Variants in ENTREP2 observed in about 807,000 individuals in gnomAD.
ENTREP2 encodes protein ENTREP2.
the ENTREP2 span, among the ~76,000 whole-genome samples, chr15:29,161,518 A>G: frequency 6.6e-6 from 1 of 152,236 alleles, no homozygotes; most frequent in South Asian, 2.1e-4. Context: ...CTAGTTTGTT[A>G]GCTTGAAAGT....
At chr15:29,320,280 C>T in the ENTREP2 span, among the ~76,000 whole-genome samples, 1 of 152,098 alleles carries the variant, frequency 6.6e-6, no homozygotes, top group Non-Finnish European at 1.5e-5. Flanking sequence ...CTGCTAGACA[C>T]AAGAAAGCAT....
chr15:29,226,959 T>C, the ENTREP2 span, among the ~76,000 whole-genome samples: 1 of 152,232 alleles, frequency 6.6e-6, no homozygotes, highest in African/African-American at 2.4e-5. Context: ...AACCAGATGA[T>C]GTCAGCTAAC....
chr15:29,137,041 C>T, the ENTREP2 span: 1 of 1,435,590 alleles, frequency 7.0e-7, no homozygotes, highest in Non-Finnish European at 9.1e-7. Flanking sequence ...AACCTCTGGG[C>T]CTCAGTGGAC....
chr15:29,655,376 T>C, the ENTREP2 span, among the ~76,000 whole-genome samples: 4 of 152,318 alleles, frequency 2.6e-5, no homozygotes, highest in East Asian at 7.7e-4. Context: ...ATATCACCTA[T>C]ATTGACTCAG....
the ENTREP2 span, among the ~76,000 whole-genome samples, chr15:29,198,721 T>C: frequency 6.6e-6 from 1 of 152,234 alleles, no homozygotes; most frequent in Admixed American, 6.5e-5. Context: ...TTCCCTGTCA[T>C]TCCTCCCACT....
chr15:29,321,100 T>C, the ENTREP2 span, among the ~76,000 whole-genome samples: 8 of 152,068 alleles, frequency 5.3e-5, no homozygotes, highest in African/African-American at 2.4e-5. Context: ...CAAAGAAGCT[T>C]GGAGAACCCA....
chr15:29,223,875 G>C, the ENTREP2 span, among the ~76,000 whole-genome samples: 1 of 152,234 alleles, frequency 6.6e-6, no homozygotes, highest in African/African-American at 2.4e-5. Context: ...TCAGCTGACA[G>C]AGGACTGACA....
chr15:29,458,628 C>T, the ENTREP2 span, among the ~76,000 whole-genome samples: 1 of 152,144 alleles, frequency 6.6e-6, no homozygotes, highest in Non-Finnish European at 1.5e-5. Flanking sequence ...AGGTCATGGT[C>T]ACGCCTCCTC....
chr15:29,268,735 A>C, the ENTREP2 span: 4 of 1,533,674 alleles, frequency 2.6e-6, no homozygotes, highest in African/African-American at 2.8e-5. Context: ...CCAATCCTCT[A>C]AACTGTGCCT....
the ENTREP2 span, among the ~76,000 whole-genome samples, chr15:29,437,300 C>G: frequency 6.6e-6 from 1 of 152,146 alleles, no homozygotes; most frequent in South Asian, 2.1e-4. Context: ...AAAAACATAA[C>G]TGCAATATTG....
the ENTREP2 span, among the ~76,000 whole-genome samples, chr15:29,159,919 C>T: frequency 6.6e-6 from 1 of 152,274 alleles, no homozygotes; most frequent in African/African-American, 2.4e-5. Context: ...GCGCTGTGCG[C>T]CTGCACTCCT....
chr15:29,626,081 A>G, the ENTREP2 span, among the ~76,000 whole-genome samples: 2 of 152,120 alleles, frequency 1.3e-5, no homozygotes, highest in African/African-American at 2.4e-5. Flanking sequence ...CTCGTGACCT[A>G]TATGATCAAC....
the ENTREP2 span, among the ~76,000 whole-genome samples, chr15:29,320,937 A>C: frequency 6.6e-6 from 1 of 152,328 alleles, no homozygotes; most frequent in Non-Finnish European, 1.5e-5. Flanking sequence ...AGGAATATTA[A>C]AAGGCAAAAA....
chr15:29,476,331 A>G, the ENTREP2 span, among the ~76,000 whole-genome samples: 1 of 152,206 alleles, frequency 6.6e-6, no homozygotes, highest in Non-Finnish European at 1.5e-5. Context: ...TAAAAGGGAA[A>G]ACGTCTATGT....
chr15:29,383,925 C>T, the ENTREP2 span, among the ~76,000 whole-genome samples: 5 of 152,192 alleles, frequency 3.3e-5, no homozygotes, highest in Admixed American at 1.3e-4. Flanking sequence ...CATTTCCCAC[C>T]GCCCGGGTCC....
the ENTREP2 span, among the ~76,000 whole-genome samples, chr15:29,518,089 T>C: frequency 1.3e-5 from 2 of 152,064 alleles, no homozygotes; most frequent in African/African-American, 2.4e-5. Flanking sequence ...TAGTGGCACA[T>C]GCCTGTAGCA....
chr15:29,449,229 AT>A, the ENTREP2 span, among the ~76,000 whole-genome samples: 1 of 152,250 alleles, frequency 6.6e-6, no homozygotes, highest in Non-Finnish European at 1.5e-5. Context: ...GCAAGGCAGC[AT>A]AAAGAGACAT....
the ENTREP2 span, among the ~76,000 whole-genome samples, chr15:29,187,571 T>G: frequency 6.6e-6 from 1 of 152,202 alleles, no homozygotes; most frequent in African/African-American, 2.4e-5. Context: ...CCACTGCTCC[T>G]GGCCAACTGT....
chr15:29,143,587 G>A, the ENTREP2 span, among the ~76,000 whole-genome samples: 2 of 152,186 alleles, frequency 1.3e-5, no homozygotes, highest in Admixed American at 6.5e-5. Flanking sequence ...GCTGTGGCTC[G>A]GGGGGCTTCC....
Sources: gnomAD v4.1 joint callset for allele counts (sites outside exome capture counted in the v4.1 genomes callset) on GRCh38, gnomAD v4.1.1 for gene constraint, MANE v1.5 for transcripts, NCBI Gene and HGNC (gene_info 2026-07-23, HGNC 2026-07-21) for gene names.